HACD1: variants seen among roughly 807,000 people sequenced by gnomAD.
HACD1 encodes the protein very-long-chain (3R)-3-hydroxyacyl-CoA dehydratase 1.
A neutral mutation model predicts 32.0 loss-of-function variants in HACD1; 41 were observed. The ratio of observed to expected loss-of-function variants is 1.28; its 90% CI spans 1.00 to 1.66. The LOEUF (loss-of-function observed/expected upper bound fraction) is 1.66. HACD1 is among the 40% of genes most tolerant of loss of function. The pLI is 0.00. For missense variants in HACD1, 396 were observed against 380.1 expected (o/e 1.04, Z -0.35); for synonymous variants, 142 against 139.0 (o/e 1.02, Z -0.15).
At chr10:17,610,252 A>G (rs1320627047) in intron 1 of HACD1, among the ~76,000 whole-genome samples, 2 of 152,206 alleles carry the variant, frequency 1.3e-5, no homozygotes, top group African/African-American at 4.8e-5. Context: ...AATAAAAGAT[A>G]TGGCTCTTAC....
At chr10:17,596,669 T>C (rs1833999160) in intron 5 of HACD1, among the ~76,000 whole-genome samples, 1 of 152,042 alleles carries the variant, frequency 6.6e-6, no homozygotes, top group Non-Finnish European at 1.5e-5. Context: ...CTGAGGGCAG[T>C]ATGGGAGATT....
chr10:17,599,543 CTT>C (rs1834040832), intron 4 of HACD1, 132 bp from the exon 5 acceptor site: 1 of 1,348,720 alleles, frequency 7.4e-7, no homozygotes, highest in Non-Finnish European at 9.7e-7. Context: ...ATATAGAAAA[CTT>C]AATGCAGTCA....
chr10:17,597,987 C>G (rs1834017054), intron 5 of HACD1, among the ~76,000 whole-genome samples: 1 of 152,036 alleles, frequency 6.6e-6, no homozygotes, highest in Admixed American at 6.6e-5. Flanking sequence ...TGGCCAGGCG[C>G]AGTGGCTCAC....
Position 17,597,654 on chromosome 10 carries a change from G to C in HACD1, c.605+1636C>G, listed in dbSNP as rs186209293. Among the ~76,000 whole-genome samples, 268 of 152,252 alleles carry C rather than the reference G, an allele frequency of 1.8e-3. 2 individuals are homozygous for C. The highest frequency in any genetic ancestry group is 5.3e-4 in the Non-Finnish European group (36 of 68,018). On this transcript the variant is annotated intron_variant, in intron 5 of 6. Coordinates refer to ENST00000361271, the MANE Select transcript of HACD1 (RefSeq NM_014241.4). The stretch of plus-strand genomic sequence containing the variant: ...TCAGCACATGAAAAGAGACTATATG[G>C]TAAGTTAGTATTTTCAAAGGTGCCA...
In HACD1 at chr10:17,617,335, C is replaced by T. The variant is rs1330602860; in HGVS notation, c.5G>A (p.Gly2Glu). The T allele has an allele frequency of 3.3e-5, 47 of 1,418,174 alleles. No homozygotes were observed. The highest frequency in any genetic ancestry group is 4.2e-5 in the Non-Finnish European group (46 of 1,092,258). The allele number at this position is 1,418,174 out of a possible 1,614,324, so 87.8% of individuals were successfully genotyped here. The change falls in exon 1 of 7, where the codon GGG becomes GAG. Residue 2 changes from glycine to glutamate, a missense_variant. Gly to Glu is a moderately conservative substitution (Grantham distance 98). Transcript: ENST00000361271. ...CGCTGCCGCCGCTTCCGTCAGGCGC[C>T]CCATGTGCAGCGCGCAGGGGGCTCG... is the stretch of plus-strand genomic sequence containing the variant. MGRLTEAAAAGS... is the reference protein window; with the variant it reads MERLTEAAAAGS...
At chr10:17,595,225 T>C (rs1473025986) in intron 5 of HACD1, among the ~76,000 whole-genome samples, 1 of 152,142 alleles carries the variant, frequency 6.6e-6, no homozygotes, top group Non-Finnish European at 1.5e-5. Flanking sequence ...AATGACTGCT[T>C]TTGTCCGCGG....
intron 5 of HACD1, among the ~76,000 whole-genome samples, chr10:17,598,531 G>C (rs782447050): frequency 2.0e-5 from 3 of 152,126 alleles, no homozygotes; most frequent in Non-Finnish European, 4.4e-5. Context: ...ATAAGACAGA[G>C]AATTTGTTTT....
In HACD1 at chr10:17,604,043, A is replaced by G. The variant is rs116294036; in HGVS notation, c.262T>C (p.Leu88=). The change falls in exon 2 of 7, where the codon TTG becomes CTG. Residue 88 remains leucine, a synonymous_variant. Coordinates refer to ENST00000361271, the MANE Select transcript of HACD1 (RefSeq NM_014241.4). The part of the protein sequence containing the change: ...FYDIAMTAGW[L]VLAIAMVRFY... The stretch of plus-strand genomic sequence containing the variant: ...CGTACCATGGCAATAGCTAGAACCA[A>G]CCACCTAAAAAAAAAAAGTATTTCA... 9.0e-5 allele frequency: 140 copies of G among 1,553,842 alleles called. 2 individuals carry two copies. The African/African-American group carries it at 1.8e-3, about 20-fold the overall frequency.
chr10:17,606,419 T>A (rs1554817067), intron 1 of HACD1, among the ~76,000 whole-genome samples: 1 of 152,220 alleles, frequency 6.6e-6, no homozygotes. Context: ...TTAAGCAACT[T>A]ACCTCATCTG....
intron 1 of HACD1, among the ~76,000 whole-genome samples, chr10:17,604,425 AG>A (rs1274343728): frequency 6.7e-6 from 1 of 148,706 alleles, no homozygotes; most frequent in Non-Finnish European, 1.5e-5. Flanking sequence ...CGGAGCTTGC[AG>A]TGAGGCAAGA....
In HACD1 at chr10:17,617,136, C is replaced by T; in HGVS notation, c.204G>A (p.Leu68=). 5 of 1,506,978 alleles carry T rather than the reference C, an allele frequency of 3.3e-6. No homozygotes were observed. The highest frequency in any genetic ancestry group is 4.4e-6 in the Non-Finnish European group (5 of 1,131,212). 93.4% of individuals were successfully genotyped at this position (1,506,978 alleles called of 1,614,324 possible). A position where few individuals can be genotyped will look rare whatever the true frequency, so the allele number is the denominator to read the frequency against. ...TGAGCCAGGCGGTGGCCAAGACCCC[C>T]AGGCGCCTCCGCTCGCCGGGAGCCT... ...DREAPGERRR[L]GVLATAWLTF... is the part of the protein sequence containing the mutation. The change falls in exon 1 of 7, where the codon CTG becomes CTA. Residue 68 remains leucine, a synonymous_variant. Transcript: ENST00000361271.
Position 17,590,205 on chromosome 10 carries a change from G to A in HACD1, c.*159C>T. On this transcript the variant is annotated 3_prime_UTR_variant, in exon 7 of 7. Transcript: ENST00000361271. ...CTTGTAAAAAATAGATCTGGCACAA[G>A]AGGAACACAAATACTGGCAAATACC... 4.2e-6 allele frequency: 2 copies of A among 475,958 alleles called. No individual in the cohort carries two copies. Among genetic ancestry groups the A allele is most frequent in the South Asian group, 8.5e-5 (2 of 23,544 alleles). 29.5% of individuals were successfully genotyped at this position (475,958 alleles called of 1,614,324 possible).
At chr10:17,598,102 ATACAAAAAT>A (rs1454194135) in intron 5 of HACD1, among the ~76,000 whole-genome samples, 1 of 151,876 alleles carries the variant, frequency 6.6e-6, no homozygotes, top group Non-Finnish European at 1.5e-5. Flanking sequence ...TCTACAAAAA[ATACAAAAAT>A]TAGCCAGGTG....
rs1554818247 is a variant in HACD1 at position 17,617,185 on chromosome 10, G to T, written c.155C>A (p.Ala52Asp). 6.7e-7 allele frequency: 1 copy of T among 1,503,442 alleles called. No homozygotes were observed. The highest frequency in any genetic ancestry group is 1.2e-5 in the South Asian group (1 of 80,772). The allele number at this position is 1,503,442 out of a possible 1,614,324, so 93.1% of individuals were successfully genotyped here. Reference protein sequence around the residue: ...SSDEDGTNGGASEAGEDREAP... With the variant: ...SSDEDGTNGGDSEAGEDREAP... Reference sequence around the variant, plus strand: ...CTCCCGGTCCTCGCCGGCCTCCGAGGCGCCGCCGTTGGTGCCGTCCTCGTC... The same window carrying T: ...CTCCCGGTCCTCGCCGGCCTCCGAGTCGCCGCCGTTGGTGCCGTCCTCGTC... Residue 52 changes from alanine (A) to aspartate (D), a missense_variant, in exon 1 of 7, where the codon GCC becomes GAC. Transcript: ENST00000361271.
chr10:17,616,168 C>A (rs1342146517), intron 1 of HACD1, among the ~76,000 whole-genome samples: 1 of 151,876 alleles, frequency 6.6e-6, no homozygotes, highest in African/African-American at 2.4e-5. Flanking sequence ...ACTCGGGAGG[C>A]TGAGGCAGAA....
At chr10:17,591,477 T>C (rs11819508) in intron 6 of HACD1, among the ~76,000 whole-genome samples, 2,586 of 152,256 alleles carry the variant, frequency 0.017, 71 homozygotes, top group African/African-American at 0.059. Flanking sequence ...CAGAAGCTCC[T>C]CCTGGCTGGG....
In HACD1 at chr10:17,603,534, G is replaced by A; in HGVS notation, c.483+26C>T. The stretch of plus-strand genomic sequence containing the variant: ...ATGGAAAGCTTTCCTGCAGGCTCAA[G>A]TAGACAACATGTTTGTGTCACTTAC... On this transcript the variant is annotated intron_variant, in intron 4 of 6. Transcript: ENST00000361271. The A allele has an allele frequency of 1.9e-6, 3 of 1,551,588 alleles. 1 individual carries two copies. The highest frequency in any genetic ancestry group is 2.3e-5 in the South Asian group (2 of 87,830).
chr10:17,611,815 A>T (rs539163731), intron 1 of HACD1, among the ~76,000 whole-genome samples: 1 of 152,040 alleles, frequency 6.6e-6, no homozygotes, highest in African/African-American at 2.4e-5. Context: ...AAATACAAAA[A>T]AATTAGCCAG....
chr10:17,596,830 C>T (rs538010407), intron 5 of HACD1, among the ~76,000 whole-genome samples: 7 of 152,200 alleles, frequency 4.6e-5, no homozygotes, highest in African/African-American at 1.7e-4. Context: ...GAGGACTTTT[C>T]CAAGAACACT....
Sources: allele counts gnomAD v4.1 joint callset (sites outside exome capture counted in the v4.1 genomes callset), GRCh38; gene constraint gnomAD v4.1.1; transcripts MANE v1.5; gene names NCBI Gene and HGNC (gene_info 2026-07-23, HGNC 2026-07-21).